The following RNPEPL1 variants were observed in gnomAD, a reference collection of about 807,000 sequenced individuals.
RNPEPL1 encodes the protein arginyl aminopeptidase like 1, also known as aminopeptidase RNPEPL1.
In RNPEPL1, 46 loss-of-function variants were observed where a neutral mutation model predicts 69.0. The ratio of observed to expected loss-of-function variants is 0.67; its 90% CI spans 0.53 to 0.85. RNPEPL1 has a LOEUF of 0.85. Ranked by LOEUF, RNPEPL1 falls within the 40% of genes least tolerant of loss-of-function variation. The pLI is 0.00. For missense variants in RNPEPL1, 869 were observed against 992.5 expected (o/e 0.88, Z 1.67); for synonymous variants, 525 against 454.1 (o/e 1.16, Z -1.98).
At chr2:240,575,776 T>C (rs1465634048) in intron 8 of RNPEPL1, 166 bp downstream of exon 8, 1 of 634,126 alleles carries the variant, frequency 1.6e-6, no homozygotes, top group East Asian at 2.8e-5. Flanking sequence ...TGGTATGCTA[T>C]GAGAACAGGG....
chr2:240,571,307 C>T (rs2093020738), intron 1 of RNPEPL1, among the ~76,000 whole-genome samples: 1 of 152,178 alleles, frequency 6.6e-6, no homozygotes, highest in Non-Finnish European at 1.5e-5. Flanking sequence ...GTCTGGGATC[C>T]TCCAGGCCTC....
intron 8 of RNPEPL1, 97 bp downstream of exon 8, chr2:240,575,707 C>A: frequency 1.1e-6 from 1 of 897,710 alleles, no homozygotes; most frequent in South Asian, 1.4e-5. Flanking sequence ...GGAGGAAAGC[C>A]CTGTCAGTTC....
In RNPEPL1 at chr2:240,568,594, C is replaced by G. The variant is rs1368083665; in HGVS notation, c.8C>G (p.Ala3Gly). 7.1e-6 allele frequency: 7 copies of G among 985,652 alleles called. No homozygotes were observed. In the East Asian group the frequency reaches 6.8e-4, roughly 96 times the overall value. The allele number at this position is 985,652 out of a possible 1,614,324, so 61.1% of individuals were successfully genotyped here. A position where few individuals can be genotyped will look rare whatever the true frequency, so the allele number is the denominator to read the frequency against. Residue 3 changes from alanine to glycine, a missense_variant, in exon 1 of 11, where the codon GCG becomes GGG. Ala to Gly is a moderately conservative substitution (Grantham distance 60). Around this residue, in one of 2 missense-constraint regions of RNPEPL1, gnomAD observed 259 missense variants for 201.5 expected, o/e 1.29. Transcript: ENST00000270357. The surrounding 1 kb of genome is among the most constrained non-coding windows in gnomAD (Gnocchi z 6.2). MA[A>G]QCCCRQAPGA... ...CACCTAGTGCCGGCGGCCATGGCCG[C>G]GCAGTGCTGCTGCCGCCAGGCGCCC...
rs142123627 is a variant in RNPEPL1, at chr2:240,574,543, C to T, written c.1203C>T (p.Ala401=). The change falls in exon 6 of 11, where the codon GCC becomes GCT. Residue 401 remains alanine, a synonymous_variant. Transcript: ENST00000270357. Reference sequence around the variant, plus strand: ...CTGCCTTCACCTGCCTGGAGACTGCCTTCCGCCTGGACGCCCTGCACCGGC... The same window carrying T: ...CTGCCTTCACCTGCCTGGAGACTGCTTTCCGCCTGGACGCCCTGCACCGGC... ...YGAAFTCLET[A]FRLDALHRQM... is the part of the protein sequence containing the mutation. 1.1e-5 allele frequency: 17 copies of T among 1,612,648 alleles called. No individual in the cohort carries two copies. The South Asian group carries it at 1.1e-4, about 10-fold the overall frequency.
In RNPEPL1 at chr2:240,574,335, C is replaced by T. The variant is rs754325472; in HGVS notation, c.1161C>T (p.Thr387=). 1.9e-6 allele frequency: 3 copies of T among 1,600,254 alleles called. No homozygotes were observed. Among genetic ancestry groups the T allele is most frequent in the East Asian group, 2.2e-5 (1 of 44,798 alleles). ...GLATYAQRRI[T]TETYGAAFTC... is the part of the protein sequence containing the mutation. ...CCACCTATGCCCAGCGCCGTATCAC[C>T]ACCGAGACCTACGGTGCGGCCAGGG... The change falls in exon 5 of 11, where the codon ACC becomes ACT. Residue 387 remains threonine, a synonymous_variant. Transcript: ENST00000270357.
intron 2 of RNPEPL1, 139 bp downstream of exon 2, chr2:240,572,702 C>G: frequency 8.7e-7 from 1 of 1,149,384 alleles, no homozygotes; most frequent in Non-Finnish European, 1.2e-6. Context: ...AGCCCACCCT[C>G]CCTACTCTAT....
chr2:240,579,350 G>GCCCCC lies in RNPEPL1; in HGVS notation c.*1462_*1463insCCCCC, dbSNP rs1553611173. 2 of 146,622 alleles carry GCCCCC rather than the reference G, an allele frequency of 1.4e-5. No homozygotes were observed. Among genetic ancestry groups the GCCCCC allele is most frequent in the East Asian group, 2.2e-4 (1 of 4,636 alleles). The allele number at this position is 146,622 out of a possible 1,614,324, so 9.1% of individuals were successfully genotyped here. Reference sequence around the variant, plus strand: ...CCCTCCTTCCTGTTCTGGATGCCCCGCCCCTCCCCTCCCCTCCCAAGGACA... The same window carrying GCCCCC: ...CCCTCCTTCCTGTTCTGGATGCCCCGCCCCCCCCCTCCCCTCCCCTCCCAAGGACA... On this transcript the variant is annotated 3_prime_UTR_variant, in exon 11 of 11. Coordinates refer to ENST00000270357, the MANE Select transcript of RNPEPL1 (RefSeq NM_018226.6).
At chr2:240,575,244 C>A in intron 7 of RNPEPL1, 102 bp downstream of exon 7, 1 of 974,210 alleles carries the variant, frequency 1.0e-6, no homozygotes, top group Non-Finnish European at 1.6e-6. Context: ...GTGGAACTGG[C>A]AGGGGCCTGT....
rs2093014829 is a variant in RNPEPL1, at chr2:240,569,401, T to A, written c.528+287T>A. On this transcript the variant is annotated intron_variant, in intron 1 of 10. Transcript: ENST00000270357. Reference sequence around the variant, plus strand: ...CTTCTGTCACCCACCGAGGTGTACATCTGCAGGATCCTGGCACCAAGGGTT... The same window carrying A: ...CTTCTGTCACCCACCGAGGTGTACAACTGCAGGATCCTGGCACCAAGGGTT... Among the ~76,000 whole-genome samples, 5 of 152,216 alleles carry A rather than the reference T, an allele frequency of 3.3e-5. No individual in the cohort carries two copies. The South Asian group carries it at 1.0e-3, about 31-fold the overall frequency.
Position 240,576,713 on chromosome 2 carries a change from C to T in RNPEPL1, c.1689C>T (p.Phe563=). The T allele has an allele frequency of 1.2e-6, 2 of 1,613,000 alleles. No individual in the cohort carries two copies. Among genetic ancestry groups the T allele is most frequent in the South Asian group, 1.1e-5 (1 of 91,090 alleles). ...TTGACATCTCCAAGTGGAGGACCTT[C>T]CAGACAGCACTCTTCCTGGACCGGC... ...SAIDISKWRT[F]QTALFLDRLL... Residue 563 remains phenylalanine (F), a synonymous_variant, in exon 9 of 11, where the codon TTC becomes TTT. Transcript: ENST00000270357.
chr2:240,572,982 A>G (rs917745644), intron 2 of RNPEPL1, 128 bp from the exon 3 acceptor site: 1 of 1,141,660 alleles, frequency 8.8e-7, no homozygotes, highest in South Asian at 1.6e-5. Flanking sequence ...GTTCTCTGAC[A>G]GAAACGTTCC....
rs1430328185 is a variant in RNPEPL1 at position 240,572,484 on chromosome 2, G to T, written c.590G>T (p.Gly197Val). The change falls in exon 2 of 11, where the codon GGC becomes GTC. Residue 197 changes from glycine (G) to valine (V), a missense_variant. By Grantham distance (109) the Gly-to-Val change is moderately radical (BLOSUM62 -3). Transcript: ENST00000270357. Reference sequence around the variant, plus strand: ...GCCAAGCCCTTCGTCTTCACCCAGGGCCACTCCGTGTGCAACCGCTCCTTC... The same window carrying T: ...GCCAAGCCCTTCGTCTTCACCCAGGTCCACTCCGTGTGCAACCGCTCCTTC... ...GCAKPFVFTQ[G>V]HSVCNRSFFP... 1 of 1,536,138 alleles carries T rather than the reference G, an allele frequency of 6.5e-7. No homozygotes were observed. Among genetic ancestry groups the T allele is most frequent in the African/African-American group, 1.4e-5 (1 of 73,058 alleles).
chr2:240,571,736 C>T (rs1259401629), intron 1 of RNPEPL1, among the ~76,000 whole-genome samples: 1 of 151,854 alleles, frequency 6.6e-6, no homozygotes, highest in African/African-American at 2.4e-5. Flanking sequence ...GCTGTGAGCG[C>T]ACCCATTCCA....
Position 240,581,332 on chromosome 2 carries a change from T to C in RNPEPL1, c.*3440T>C, listed in dbSNP as rs1056338817. 1 of 152,378 alleles carries C rather than the reference T, an allele frequency of 6.6e-6. No homozygotes were observed. The highest frequency in any genetic ancestry group is 1.9e-4 in the East Asian group (1 of 5,190). 9.4% of individuals were successfully genotyped at this position (152,378 alleles called of 1,614,324 possible). ...AAGAACCAGTCAGAGACCCTGGAAA[T>C]TTTTTAAAAAGCAATTACTAAAATA... On this transcript the variant is annotated 3_prime_UTR_variant, in exon 11 of 11. Transcript: ENST00000270357.
In RNPEPL1 at chr2:240,568,505, C is replaced by T; in HGVS notation, c.-82C>T. ...GCGCGACTTCCTGTTGTGCCCGCGC[C>T]CCGCCGCCGCCGCCGCCCGGCGCCC... On this transcript the variant is annotated 5_prime_UTR_variant, in exon 1 of 11. Coordinates refer to ENST00000270357, the MANE Select transcript of RNPEPL1 (RefSeq NM_018226.6). The surrounding 1 kb of genome is among the most constrained non-coding windows in gnomAD (Gnocchi z 6.2). The T allele has an allele frequency of 1.4e-6, 1 of 691,340 alleles. No individual in the cohort carries two copies. The highest frequency in any genetic ancestry group is 2.0e-5 in the African/African-American group (1 of 51,016). The allele number at this position is 691,340 out of a possible 1,614,324, so 42.8% of individuals were successfully genotyped here.
chr2:240,570,779 G>T (rs955696307), intron 1 of RNPEPL1, among the ~76,000 whole-genome samples: 2 of 152,196 alleles, frequency 1.3e-5, no homozygotes, highest in Non-Finnish European at 2.9e-5. Flanking sequence ...ACCTGTGCCC[G>T]GGTGCCCTGA....
chr2:240,574,402 GGGCAGA>G, intron 5 of RNPEPL1, 54 bp downstream of exon 5: 2 of 1,570,030 alleles, frequency 1.3e-6, no homozygotes, highest in South Asian at 2.2e-5. Flanking sequence ...ACTGGTCCAG[GGGCAGA>G]GAGCCTAGCC....
intron 1 of RNPEPL1, among the ~76,000 whole-genome samples, chr2:240,570,149 G>T (rs779816738): frequency 1.3e-5 from 2 of 152,242 alleles, no homozygotes; most frequent in African/African-American, 2.4e-5. Context: ...GAGAACTGAG[G>T]GATGGGCTTC....
intron 10 of RNPEPL1, 86 bp from the exon 11 acceptor site, chr2:240,577,513 G>A: frequency 7.0e-7 from 1 of 1,434,420 alleles, no homozygotes; most frequent in Non-Finnish European, 9.4e-7. Flanking sequence ...GCCAGGGGCA[G>A]GAGGGCCGCC....
Sources: allele counts gnomAD v4.1 joint callset (sites outside exome capture counted in the v4.1 genomes callset), GRCh38; gene constraint gnomAD v4.1.1; regional missense constraint gnomAD v4.1.1; non-coding constraint Gnocchi (gnomAD v3.1); transcripts MANE v1.5; gene names NCBI Gene and HGNC (gene_info 2026-07-23, HGNC 2026-07-21).